DOCK3: variants seen among roughly 807,000 people sequenced by gnomAD.
The protein encoded by DOCK3 is dedicator of cytokinesis 3, also known as dedicator of cytokinesis protein 3.
A neutral mutation model predicts 265.6 loss-of-function variants in DOCK3; 60 were observed. That is an observed-to-expected ratio of 0.23 (90% CI 0.18 to 0.28). The LOEUF is 0.28. DOCK3 is among the 10% of genes least tolerant of loss of function. The pLI, the probability that DOCK3 is intolerant of heterozygous loss-of-function variation, is 1.00. For missense variants in DOCK3, 1,981 were observed against 2,594.3 expected, an observed-to-expected ratio of 0.76 and a Z score of 5.14; for synonymous variants, 881 against 938.0, an observed-to-expected ratio of 0.94 and a Z score of 1.11.
chr3:51,177,858 G>A (rs2087043040), intron 12 of DOCK3, among the ~76,000 whole-genome samples: 1 of 151,974 alleles, frequency 6.6e-6, no homozygotes, highest in African/African-American at 2.4e-5. Flanking sequence ...CAGCATAGTG[G>A]CGCATGCCTG....
At chr3:50,736,373 G>A (rs9831288) in intron 1 of DOCK3, among the ~76,000 whole-genome samples, 116,277 of 152,062 alleles carry the variant, frequency 0.76, 45,443 homozygotes, top group Middle Eastern at 0.88. Flanking sequence ...GTGTGCATGT[G>A]TCTTTATAGC....
At chr3:51,213,990 C>G (rs1260981236) in intron 13 of DOCK3, 132 bp from the exon 14 acceptor site, 3 of 1,189,906 alleles carry the variant, frequency 2.5e-6, no homozygotes, top group Non-Finnish European at 3.6e-6. Flanking sequence ...CTTATACTGT[C>G]TGCATAAAAG....
At chr3:50,740,631 G>A (rs1305801248) in intron 1 of DOCK3, among the ~76,000 whole-genome samples, 1 of 151,916 alleles carries the variant, frequency 6.6e-6, no homozygotes, top group African/African-American at 2.4e-5. Flanking sequence ...TGTGACAGCT[G>A]TTTTACCGTC....
intron 1 of DOCK3, among the ~76,000 whole-genome samples, chr3:50,761,726 T>C (rs1260744823): frequency 6.6e-6 from 1 of 152,236 alleles, no homozygotes; most frequent in Non-Finnish European, 1.5e-5. Flanking sequence ...CTAATGGCTT[T>C]GATAAAATGT....
intron 14 of DOCK3, among the ~76,000 whole-genome samples, chr3:51,216,946 C>T (rs1281917132): frequency 1.3e-5 from 2 of 152,118 alleles, no homozygotes; most frequent in Non-Finnish European, 2.9e-5. Context: ...CTGGTGTGAC[C>T]AAGTTACAAG....
chr3:51,118,938 C>T (rs754776384), intron 9 of DOCK3, among the ~76,000 whole-genome samples: 9 of 152,126 alleles, frequency 5.9e-5, no homozygotes, highest in Non-Finnish European at 1.2e-4. Context: ...GTTTGCCAGT[C>T]TGTGCCTTTT....
intron 1 of DOCK3, among the ~76,000 whole-genome samples, chr3:50,724,502 T>C (rs557986279): frequency 6.6e-6 from 1 of 152,288 alleles, no homozygotes; most frequent in African/African-American, 2.4e-5. Context: ...CATGCAATAC[T>C]ATGCAGCCAT....
At chr3:50,841,084 T>C (rs2045799990) in intron 2 of DOCK3, among the ~76,000 whole-genome samples, 1 of 152,242 alleles carries the variant, frequency 6.6e-6, no homozygotes, top group South Asian at 2.1e-4. Flanking sequence ...CTGAAAATAA[T>C]ATATTGAAAT....
At chr3:50,916,465 G>GA (rs2107977773) in intron 4 of DOCK3, among the ~76,000 whole-genome samples, 1 of 152,086 alleles carries the variant, frequency 6.6e-6, no homozygotes, top group Admixed American at 6.5e-5. Flanking sequence ...CTTCTCACCA[G>GA]AGTTTGTATT....
intron 19 of DOCK3, among the ~76,000 whole-genome samples, chr3:51,234,971 G>C (rs1252559806): frequency 6.6e-6 from 1 of 152,218 alleles, no homozygotes; most frequent in African/African-American, 2.4e-5. Flanking sequence ...ATGTAGGCTA[G>C]AGATTAAATC....
chr3:50,728,598 T>C (rs2037982530), intron 1 of DOCK3, among the ~76,000 whole-genome samples: 1 of 152,098 alleles, frequency 6.6e-6, no homozygotes, highest in African/African-American at 2.4e-5. Context: ...ATGTTTGTAA[T>C]GAAAGTAGGG....
intron 3 of DOCK3, among the ~76,000 whole-genome samples, chr3:50,887,813 A>T (rs1460301521): frequency 1.3e-5 from 2 of 149,038 alleles, no homozygotes; most frequent in Non-Finnish European, 3.0e-5. Flanking sequence ...AAAATTCTAC[A>T]CCCCTTTAGG....
rs549598189 is a variant in DOCK3, at chr3:51,148,306, G to A, written c.828+1676G>A. Reference sequence around the variant, plus strand: ...ATTCTGTAGGTTGCCTGTTCACTCTGATGGCAGTTTCTTTTGCTGTGCAGA... The same window carrying A: ...ATTCTGTAGGTTGCCTGTTCACTCTAATGGCAGTTTCTTTTGCTGTGCAGA... On this transcript the variant is annotated intron_variant, in intron 10 of 52. Transcript: ENST00000266037. Among the ~76,000 whole-genome samples, 6 of 152,326 alleles carry A rather than the reference G, an allele frequency of 3.9e-5. No homozygotes were observed. The East Asian group carries it at 7.7e-4, about 20-fold the overall frequency.
chr3:50,813,250 G>A (rs2106792351), intron 2 of DOCK3, among the ~76,000 whole-genome samples: 1 of 152,308 alleles, frequency 6.6e-6, no homozygotes. Flanking sequence ...AGTAAAAAGT[G>A]CATTTAAGTG....
At chr3:51,057,070 G>A (rs1010845906) in intron 5 of DOCK3, among the ~76,000 whole-genome samples, 2 of 152,202 alleles carry the variant, frequency 1.3e-5, no homozygotes, top group African/African-American at 4.8e-5. Context: ...TCTGGCAAAT[G>A]CCCTACAACT....
At chr3:50,868,907 T>G (rs939663412) in intron 3 of DOCK3, among the ~76,000 whole-genome samples, 1 of 141,464 alleles carries the variant, frequency 7.1e-6, no homozygotes, top group Non-Finnish European at 1.5e-5. Flanking sequence ...ATCTGTTTTT[T>G]TTTTTTTTTT....
At chr3:51,195,998 T>G (rs1048617355) in intron 12 of DOCK3, among the ~76,000 whole-genome samples, 5 of 152,042 alleles carry the variant, frequency 3.3e-5, no homozygotes, top group Non-Finnish European at 5.9e-5. Flanking sequence ...TGCAGTGGTG[T>G]AAATACAGCT....
At chr3:50,734,367 T>C (rs780694828) in intron 1 of DOCK3, among the ~76,000 whole-genome samples, 2 of 152,004 alleles carry the variant, frequency 1.3e-5, no homozygotes, top group African/African-American at 2.4e-5. Context: ...GATGTGAGTG[T>C]AGCATGCACC....
Position 51,146,638 on chromosome 3 carries a change from C to T in DOCK3, c.828+8C>T, listed in dbSNP as rs769759066. The T allele has an allele frequency of 1.5e-5, 24 of 1,573,556 alleles. No homozygotes were observed. Among genetic ancestry groups the T allele is most frequent in the South Asian group, 4.7e-5 (4 of 85,608 alleles). ...ATGTGTGCCCTTTTTACAGTATGTA[C>T]GAATTCTCTTTTTCTTCTTTGCTGT... On this transcript the variant is annotated splice_region_variant and intron_variant, in intron 10 of 52. Coordinates refer to ENST00000266037, the MANE Select transcript of DOCK3 (RefSeq NM_004947.5).
Sources: gnomAD v4.1 joint callset for allele counts (sites outside exome capture counted in the v4.1 genomes callset) on GRCh38, gnomAD v4.1.1 for gene constraint, MANE v1.5 for transcripts, NCBI Gene and HGNC (gene_info 2026-07-23, HGNC 2026-07-21) for gene names.